MYO5B: variants seen among roughly 807,000 people sequenced by gnomAD.
The protein encoded by MYO5B is myosin VB, also known as unconventional myosin-Vb.
Under a neutral mutation model 229.3 loss-of-function variants are expected in MYO5B, and 143 were observed. The observed-to-expected ratio is 0.62, with a 90% confidence interval of 0.54 to 0.72. The LOEUF is 0.72. Among genes scored for constraint, MYO5B ranks in the 30% least tolerant of loss-of-function variants. The pLI is 0.00. For synonymous variants in MYO5B, 918 were observed against 885.2 expected, an observed-to-expected ratio of 1.04 and a Z score of -0.66; for missense variants, 2,321 against 2,331.0, an observed-to-expected ratio of 1.00 and a Z score of 0.09.
At chr18:50,140,244 C>T (rs895671405) in intron 1 of MYO5B, among the ~76,000 whole-genome samples, 9 of 152,212 alleles carry the variant, frequency 5.9e-5, no homozygotes, top group Admixed American at 5.2e-4. Flanking sequence ...TATTAATTAC[C>T]ATTTTGGGAA....
chr18:49,968,510 A>G (rs1389782600), intron 10 of MYO5B, among the ~76,000 whole-genome samples: 5 of 152,204 alleles, frequency 3.3e-5, no homozygotes, highest in Non-Finnish European at 7.3e-5. Context: ...TACTTAATCT[A>G]AATGGGTCCG....
intron 1 of MYO5B, among the ~76,000 whole-genome samples, chr18:50,130,276 CT>C (rs1295073782): frequency 6.6e-5 from 10 of 152,276 alleles, no homozygotes; most frequent in Admixed American, 5.2e-4. Flanking sequence ...AAATAAAAAG[CT>C]TTGCTCATTA....
intron 16 of MYO5B, among the ~76,000 whole-genome samples, chr18:49,931,856 G>A (rs1017275168): frequency 1.3e-4 from 20 of 152,156 alleles, no homozygotes; most frequent in African/African-American, 4.8e-4. Flanking sequence ...GGCATCCTGT[G>A]GCCTGCAGAC....
chr18:49,897,821 C>T lies in MYO5B; in HGVS notation c.2812-2647G>A, dbSNP rs564822281. On this transcript the variant is annotated intron_variant, in intron 21 of 39. Coordinates refer to ENST00000285039, the MANE Select transcript of MYO5B (RefSeq NM_001080467.3). ...TACAGGAGTGGACAGTTTATAAAGT[C>T]GATAGGAGTGGACAGTTTATAAAGT... is the stretch of plus-strand genomic sequence containing the variant. Among the ~76,000 whole-genome samples, 12 of 152,146 alleles carry T rather than the reference C, an allele frequency of 7.9e-5. No individual in the cohort carries two copies. In the East Asian group the frequency reaches 1.4e-3, roughly 17 times the overall value.
At chr18:49,933,777 C>T (rs1720290196) in intron 16 of MYO5B, among the ~76,000 whole-genome samples, 1 of 152,178 alleles carries the variant, frequency 6.6e-6, no homozygotes, top group Non-Finnish European at 1.5e-5. Context: ...GGTGGAGAGA[C>T]ACAGAAACTT....
At chr18:49,882,713 G>A (rs1027858987) in intron 22 of MYO5B, among the ~76,000 whole-genome samples, 1 of 148,876 alleles carries the variant, frequency 6.7e-6, no homozygotes, top group South Asian at 2.2e-4. Flanking sequence ...CCAAGCAGAA[G>A]TCACTGCATA....
At chr18:50,038,105 T>C (rs1598970990) in intron 3 of MYO5B, among the ~76,000 whole-genome samples, 1 of 152,204 alleles carries the variant, frequency 6.6e-6, no homozygotes, top group African/African-American at 2.4e-5. Flanking sequence ...GTGAGGCAGG[T>C]TGATATTTGA....
intron 16 of MYO5B, among the ~76,000 whole-genome samples, chr18:49,935,635 T>C (rs1473132275): frequency 6.6e-6 from 1 of 152,220 alleles, no homozygotes; most frequent in Non-Finnish European, 1.5e-5. Context: ...GTCTGGAATT[T>C]AGTAGAAACC....
chr18:49,933,855 T>A (rs2025220676), intron 16 of MYO5B, among the ~76,000 whole-genome samples: 1 of 152,160 alleles, frequency 6.6e-6, no homozygotes. Context: ...ATAATTCCTA[T>A]TCAGATTCTT....
At chr18:49,907,244 G>A (rs1177800798) in intron 18 of MYO5B, among the ~76,000 whole-genome samples, 1 of 152,188 alleles carries the variant, frequency 6.6e-6, no homozygotes, top group African/African-American at 2.4e-5. Context: ...GAGAGCCACA[G>A]GCAAGCTTTG....
At chr18:50,188,972 T>C (rs911914910) in intron 1 of MYO5B, among the ~76,000 whole-genome samples, 2 of 152,126 alleles carry the variant, frequency 1.3e-5, no homozygotes, top group Admixed American at 6.6e-5. Context: ...ACTGGGCTTA[T>C]AGGCCCATCT....
intron 18 of MYO5B, among the ~76,000 whole-genome samples, chr18:49,910,328 G>A (rs181815708): frequency 6.6e-6 from 1 of 152,336 alleles, no homozygotes; most frequent in East Asian, 1.9e-4. Context: ...GAGAAATCCA[G>A]CGAAGGAACA....
intron 1 of MYO5B, among the ~76,000 whole-genome samples, chr18:50,142,136 C>T (rs887778510): frequency 6.6e-6 from 1 of 152,182 alleles, no homozygotes; most frequent in African/African-American, 2.4e-5. Flanking sequence ...TGGTCACAAA[C>T]CCCATCCAAC....
Position 50,026,607 on chromosome 18 carries a change from C to T in MYO5B, c.455+10243G>A, listed in dbSNP as rs150273202. On this transcript the variant is annotated intron_variant, in intron 4 of 39. Coordinates refer to ENST00000285039, the MANE Select transcript of MYO5B (RefSeq NM_001080467.3). ...CTTGGCCCTGAAAGTAAAATCTGTT[C>T]TGAGGACAACCTATAAATGGAATCT... 3.3e-3 allele frequency among the ~76,000 whole-genome samples: 500 copies of T among 152,284 alleles called. 3 individuals are homozygous for T. Among genetic ancestry groups the T allele is most frequent in the African/African-American group, 0.012 (482 of 41,558 alleles).
chr18:49,848,538 T>G (rs1488954107), intron 32 of MYO5B, among the ~76,000 whole-genome samples: 1 of 150,882 alleles, frequency 6.6e-6, no homozygotes, highest in Non-Finnish European at 1.5e-5. Context: ...GCTGGCAGAC[T>G]AGGGCTGGGA....
intron 10 of MYO5B, among the ~76,000 whole-genome samples, chr18:49,964,669 C>A (rs1024424223): frequency 6.6e-6 from 1 of 152,220 alleles, no homozygotes; most frequent in African/African-American, 2.4e-5. Context: ...TACAGCTCAA[C>A]ATTTTTCTGT....
At chr18:49,848,230 T>C (rs1047355907) in intron 32 of MYO5B, among the ~76,000 whole-genome samples, 2 of 150,570 alleles carry the variant, frequency 1.3e-5, no homozygotes, top group African/African-American at 4.9e-5. Context: ...AAGCCAGGAG[T>C]GTGTGATGTG....
chr18:49,884,543 C>T (rs1339687876), intron 22 of MYO5B, among the ~76,000 whole-genome samples: 3 of 151,822 alleles, frequency 2.0e-5, no homozygotes, highest in Non-Finnish European at 2.9e-5. Context: ...ATGTGCAGTT[C>T]ACAGTAAGAT....
chr18:50,096,570 T>C (rs1190716925), intron 1 of MYO5B, among the ~76,000 whole-genome samples: 1 of 152,184 alleles, frequency 6.6e-6, no homozygotes, highest in East Asian at 1.9e-4. Flanking sequence ...CACTTCTTAG[T>C]CTGTATTGAA....
Sources: allele counts gnomAD v4.1 joint callset (sites outside exome capture counted in the v4.1 genomes callset), GRCh38; gene constraint gnomAD v4.1.1; transcripts MANE v1.5; gene names NCBI Gene and HGNC (gene_info 2026-07-23, HGNC 2026-07-21).